The following MROH1 variants were observed in gnomAD, a reference collection of about 807,000 sequenced individuals.
The protein encoded by MROH1 is maestro heat like repeat family member 1.
A neutral mutation model predicts 116.5 loss-of-function variants in MROH1; 117 were observed. The ratio of observed to expected loss-of-function variants is 1.00; its 90% CI spans 0.86 to 1.17. MROH1 has a LOEUF of 1.17. Ranked by LOEUF, MROH1 falls within the 50% of genes most tolerant of loss-of-function variation. The pLI, the probability that MROH1 is intolerant of heterozygous loss-of-function variation, is 0.00. For synonymous variants in MROH1, 921 were observed against 583.9 expected (o/e 1.58, Z -8.32); for missense variants, 1,873 against 1,338.5 (o/e 1.40, Z -6.23).
At chr8:144,228,019 G>T (rs990001660) in intron 14 of MROH1, among the ~76,000 whole-genome samples, 14 of 151,472 alleles carry the variant, frequency 9.2e-5, no homozygotes, top group African/African-American at 3.4e-4. Context: ...ATCGTTTAAG[G>T]CCAGGAATTT....
chr8:144,248,202 C>T (rs1177690062), intron 31 of MROH1, among the ~76,000 whole-genome samples: 1 of 152,158 alleles, frequency 6.6e-6, no homozygotes, highest in Non-Finnish European at 1.5e-5. Context: ...GGGAGGATGA[C>T]CCTGGGCACC....
intron 4 of MROH1, among the ~76,000 whole-genome samples, chr8:144,176,030 CAG>C (rs1462007758): frequency 6.6e-6 from 1 of 151,954 alleles, no homozygotes; most frequent in Non-Finnish European, 1.5e-5. Context: ...ACCTGGGTGA[CAG>C]GGCGAGACTC....
intron 13 of MROH1, among the ~76,000 whole-genome samples, chr8:144,222,799 C>T (rs905422587): frequency 1.3e-5 from 2 of 151,392 alleles, no homozygotes; most frequent in East Asian, 1.9e-4. Context: ...TATGTGGGTA[C>T]AGGCCCAGGC....
chr8:144,232,955 TAGC>T (rs1839231451), intron 14 of MROH1, among the ~76,000 whole-genome samples: 1 of 151,860 alleles, frequency 6.6e-6, no homozygotes, highest in Non-Finnish European at 1.5e-5. Context: ...GTCTCCCAAG[TAGC>T]TGGGACCACA....
At chr8:144,221,180 G>A (rs1836659633) in intron 13 of MROH1, among the ~76,000 whole-genome samples, 1 of 152,202 alleles carries the variant, frequency 6.6e-6, no homozygotes, top group Non-Finnish European at 1.5e-5. Context: ...CTTGGGGTCT[G>A]TCATGTGGAC....
At chr8:144,195,702 T>C (rs1258872034) in intron 10 of MROH1, among the ~76,000 whole-genome samples, 2 of 151,770 alleles carry the variant, frequency 1.3e-5, no homozygotes, top group African/African-American at 4.8e-5. Context: ...TACTTTGTCA[T>C]TGAGTCATTA....
At chr8:144,227,918 G>A (rs115316340) in intron 14 of MROH1, among the ~76,000 whole-genome samples, 1,571 of 151,684 alleles carry the variant, frequency 0.01, 24 homozygotes, top group African/African-American at 0.036. Context: ...ACACCACTGC[G>A]CTCCCGCCTG....
chr8:144,206,033 C>T (rs1247715039), intron 12 of MROH1, among the ~76,000 whole-genome samples: 1 of 152,152 alleles, frequency 6.6e-6, no homozygotes, highest in Non-Finnish European at 1.5e-5. Flanking sequence ...ACACCTACAC[C>T]TACTGTTAAG....
chr8:144,234,010 A>G (rs782490348), intron 14 of MROH1, among the ~76,000 whole-genome samples: 5 of 152,000 alleles, frequency 3.3e-5, no homozygotes, highest in African/African-American at 4.8e-5. Context: ...CCATCTTTTT[A>G]TTTATGCATT....
chr8:144,241,664 C>T, intron 22 of MROH1, 147 bp downstream of exon 22: 1 of 713,832 alleles, frequency 1.4e-6, no homozygotes, highest in Non-Finnish European at 2.6e-6. Flanking sequence ...ATGGGCAGGA[C>T]CTGTGCGTGG....
intron 14 of MROH1, among the ~76,000 whole-genome samples, chr8:144,232,715 G>T (rs754327957): frequency 4.0e-5 from 6 of 148,414 alleles, no homozygotes; most frequent in Non-Finnish European, 8.8e-5. Flanking sequence ...GGATGGTCTC[G>T]ATCTCCTGAC....
At chr8:144,220,142 A>G (rs1297699768) in intron 12 of MROH1, among the ~76,000 whole-genome samples, 1 of 152,192 alleles carries the variant, frequency 6.6e-6, no homozygotes, top group East Asian at 1.9e-4. Flanking sequence ...ATGGTTCTCA[A>G]GGGGGTCCCC....
At chr8:144,254,106 C>T (rs1843285551) in intron 33 of MROH1, among the ~76,000 whole-genome samples, 1 of 152,144 alleles carries the variant, frequency 6.6e-6, no homozygotes, top group Non-Finnish European at 1.5e-5. Context: ...TTCCGCGTCC[C>T]TTATTCTGTC....
intron 19 of MROH1, among the ~76,000 whole-genome samples, chr8:144,240,354 C>T (rs1161985390): frequency 1.3e-5 from 2 of 152,204 alleles, no homozygotes; most frequent in Non-Finnish European, 2.9e-5. Flanking sequence ...GGCCCTCTAG[C>T]AGTCGCAGCC....
chr8:144,151,776 C>T (rs1461192606), intron 1 of MROH1, among the ~76,000 whole-genome samples: 8 of 152,326 alleles, frequency 5.3e-5, no homozygotes, highest in Middle Eastern at 6.8e-3. Flanking sequence ...TACAGCCTCC[C>T]GTCTCTGTGC....
At chr8:144,164,749 A>G (rs1820376853) in intron 3 of MROH1, among the ~76,000 whole-genome samples, 1 of 152,130 alleles carries the variant, frequency 6.6e-6, no homozygotes, top group Non-Finnish European at 1.5e-5. Context: ...TCAGAAAAAA[A>G]AAATTAGCAG....
At chr8:144,217,328 A>G (rs1348490787) in intron 12 of MROH1, among the ~76,000 whole-genome samples, 1 of 152,164 alleles carries the variant, frequency 6.6e-6, no homozygotes, top group African/African-American at 2.4e-5. Context: ...TGTATGAAAT[A>G]CCTCCAGGCT....
At chr8:144,231,608 G>T (rs984933425) in intron 14 of MROH1, among the ~76,000 whole-genome samples, 2 of 152,166 alleles carry the variant, frequency 1.3e-5, no homozygotes, top group Admixed American at 6.5e-5. Context: ...TTTATATACT[G>T]CAGTTCATAG....
intron 10 of MROH1, among the ~76,000 whole-genome samples, chr8:144,194,413 G>A (rs1301643329): frequency 1.3e-5 from 2 of 152,116 alleles, no homozygotes; most frequent in Non-Finnish European, 2.9e-5. Context: ...AGTTAACAAA[G>A]TATGGATACC....
Sources: allele counts gnomAD v4.1 joint callset (sites outside exome capture counted in the v4.1 genomes callset), GRCh38; gene constraint gnomAD v4.1.1; transcripts MANE v1.5; gene names NCBI Gene and HGNC (gene_info 2026-07-23, HGNC 2026-07-21).